Variants in FRMD6 observed in about 807,000 individuals in gnomAD.
FRMD6 encodes FERM domain-containing protein 6.
In FRMD6, 37 loss-of-function variants were observed where a neutral mutation model predicts 73.2. That is an observed-to-expected ratio of 0.51 (90% CI 0.39 to 0.66). FRMD6 has a LOEUF of 0.66. Among genes scored for constraint, FRMD6 ranks in the 30% least tolerant of loss-of-function variants. The probability of loss-of-function intolerance (pLI) is 0.00; values close to 1 mark genes in which losing one functional copy is unlikely to be tolerated. For missense variants in FRMD6, 714 were observed against 780.5 expected, an observed-to-expected ratio of 0.91 and a Z score of 1.02; for synonymous variants, 273 against 282.2, an observed-to-expected ratio of 0.97 and a Z score of 0.33.
chr14:51,475,953 G>A, the FRMD6 span, among the ~76,000 whole-genome samples: 3 of 152,072 alleles, frequency 2.0e-5, no homozygotes. Flanking sequence ...AAGCCCAGCT[G>A]GTACTGAAAC....
intron 1 of FRMD6, among the ~76,000 whole-genome samples, chr14:51,498,590 A>C (rs1021502869): frequency 6.6e-6 from 1 of 152,206 alleles, no homozygotes; most frequent in African/African-American, 2.4e-5. Context: ...GCCTGGGCTT[A>C]GCTGGGACAG....
intron 5 of FRMD6, among the ~76,000 whole-genome samples, chr14:51,704,367 C>T (rs151114568): frequency 3.9e-5 from 6 of 152,192 alleles, no homozygotes; most frequent in East Asian, 1.9e-4. Flanking sequence ...ATTTATGTCA[C>T]GTGTGTAGCA....
At chr14:51,521,111 T>C (rs1424616736) in intron 1 of FRMD6, among the ~76,000 whole-genome samples, 3 of 152,158 alleles carry the variant, frequency 2.0e-5, no homozygotes, top group Non-Finnish European at 4.4e-5. Context: ...GAAGTGATTA[T>C]GGTATTATAT....
chr14:51,429,495 C>T, the FRMD6 span, among the ~76,000 whole-genome samples: 3 of 152,230 alleles, frequency 2.0e-5, no homozygotes, highest in Admixed American at 2.0e-4. Flanking sequence ...TTCTCTAATT[C>T]TGCAATTCCC....
chr14:51,635,961 C>T (rs1891537930), intron 2 of FRMD6, among the ~76,000 whole-genome samples: 1 of 152,236 alleles, frequency 6.6e-6, no homozygotes, highest in South Asian at 2.1e-4. Context: ...TATATGCTCA[C>T]ATTTGCAGCA....
intron 2 of FRMD6, among the ~76,000 whole-genome samples, chr14:51,626,733 G>C (rs1891129961): frequency 1.3e-5 from 2 of 152,290 alleles, no homozygotes; most frequent in South Asian, 4.1e-4. Context: ...AATCCTGGCT[G>C]TGCTACTTAT....
chr14:51,596,312 T>TA (rs1244971477), intron 2 of FRMD6, among the ~76,000 whole-genome samples: 2 of 151,470 alleles, frequency 1.3e-5, no homozygotes, highest in African/African-American at 2.4e-5. Flanking sequence ...GGAAATCTGA[T>TA]ACGTAGCCAG....
intron 1 of FRMD6, among the ~76,000 whole-genome samples, chr14:51,506,257 C>A (rs1883957683): frequency 1.3e-5 from 2 of 152,198 alleles, no homozygotes; most frequent in Admixed American, 6.5e-5. Flanking sequence ...GCCTTCTCTG[C>A]AAAGCTCTCT....
the FRMD6 span, among the ~76,000 whole-genome samples, chr14:51,406,406 T>A: frequency 4.6e-5 from 7 of 152,294 alleles, no homozygotes; most frequent in East Asian, 1.3e-3. Context: ...TGTAAATTGC[T>A]GTGGGCAATA....
At chr14:51,639,154 G>A (rs1891708943) in intron 2 of FRMD6, among the ~76,000 whole-genome samples, 2 of 151,664 alleles carry the variant, frequency 1.3e-5, no homozygotes, top group South Asian at 4.1e-4. Flanking sequence ...CTTCTCTGCC[G>A]AGTTCACACA....
chr14:51,486,280 C>T (rs1182646832), upstream of FRMD6, among the ~76,000 whole-genome samples: 2 of 151,982 alleles, frequency 1.3e-5, no homozygotes, highest in African/African-American at 4.8e-5. Context: ...TTGATCCGCC[C>T]TCCTCGGCCT....
At chr14:51,665,342 A>G (rs1214586333) in intron 1 of FRMD6, among the ~76,000 whole-genome samples, 1 of 152,090 alleles carries the variant, frequency 6.6e-6, no homozygotes, top group Non-Finnish European at 1.5e-5. Context: ...TTCATCCTGC[A>G]GGCTTCACTT....
chr14:51,532,981 G>A (rs1885673998), intron 1 of FRMD6, among the ~76,000 whole-genome samples: 1 of 152,204 alleles, frequency 6.6e-6, no homozygotes, highest in South Asian at 2.1e-4. Flanking sequence ...TTTGAGGGCT[G>A]CAATACTGCT....
At chr14:51,720,450 G>GC (rs758293105) in intron 11 of FRMD6, 60 bp downstream of exon 11, 22 of 1,519,646 alleles carry the variant, frequency 1.4e-5, no homozygotes, top group Non-Finnish European at 2.0e-5. Flanking sequence ...TCAAGCATTG[G>GC]TTCTATAGAA....
At chr14:51,419,822 G>A in the FRMD6 span, among the ~76,000 whole-genome samples, 1 of 152,190 alleles carries the variant, frequency 6.6e-6, no homozygotes, top group Non-Finnish European at 1.5e-5. Context: ...CTTGTTAGGT[G>A]TACTCATGTG....
chr14:51,708,130 A>C lies in FRMD6; in HGVS notation c.611A>C (p.His204Pro). Residue 204 changes from histidine to proline, a missense_variant, in exon 7 of 14, where the codon CAC becomes CCC. By Grantham distance (77) the His-to-Pro change is moderately conservative. Transcript: ENST00000344768. ...ATCCTGAAGCACATTCCAAACATGC[A>C]CAAAGATCAGTTTGCACTAACAGCT... is the stretch of plus-strand genomic sequence containing the variant. ...DYILKHIPNM[H>P]KDQFALTASE... is the part of the protein sequence containing the mutation. 6.2e-7 allele frequency: 1 copy of C among 1,613,384 alleles called. No homozygotes were observed.
the FRMD6 span, among the ~76,000 whole-genome samples, chr14:51,484,076 TA>T: frequency 2.0e-5 from 3 of 152,198 alleles, no homozygotes; most frequent in Non-Finnish European, 4.4e-5. Flanking sequence ...AGATGTTCAA[TA>T]AATCTGTTAA....
chr14:51,530,281 G>A (rs1253271733), intron 1 of FRMD6, among the ~76,000 whole-genome samples: 3 of 152,126 alleles, frequency 2.0e-5, no homozygotes, highest in Non-Finnish European at 4.4e-5. Flanking sequence ...TCTCCGTGGC[G>A]TCACACTGGA....
At chr14:51,686,619 T>G (rs1188259641) in intron 1 of FRMD6, among the ~76,000 whole-genome samples, 1 of 152,104 alleles carries the variant, frequency 6.6e-6, no homozygotes, top group Non-Finnish European at 1.5e-5. Context: ...TGATTTTTTT[T>G]TTGTTCCCTG....
Sources: gnomAD v4.1 joint callset for allele counts (sites outside exome capture counted in the v4.1 genomes callset) on GRCh38, gnomAD v4.1.1 for gene constraint, MANE v1.5 for transcripts, NCBI Gene and HGNC (gene_info 2026-07-23, HGNC 2026-07-21) for gene names.